Variants in CAMTA1 observed in about 807,000 individuals in gnomAD.
CAMTA1 encodes calmodulin-binding transcription activator 1.
In CAMTA1, 27 loss-of-function variants were observed where a neutral mutation model predicts 170.9. That is an observed-to-expected ratio of 0.16 (90% CI 0.12 to 0.22). The LOEUF is 0.22. CAMTA1 is among the 10% of genes least tolerant of loss of function. The probability of loss-of-function intolerance (pLI) is 1.00; values close to 1 mark genes in which losing one functional copy is unlikely to be tolerated. For synonymous variants in CAMTA1, 833 were observed against 891.5 expected, an observed-to-expected ratio of 0.93 and a Z score of 1.17; for missense variants, 1,619 against 2,217.2, an observed-to-expected ratio of 0.73 and a Z score of 5.42.
intron 5 of CAMTA1, among the ~76,000 whole-genome samples, chr1:7,379,407 A>C (rs960550680): frequency 6.6e-6 from 1 of 152,202 alleles, no homozygotes; most frequent in Non-Finnish European, 1.5e-5. Flanking sequence ...TTATATTTTT[A>C]TTACAATTTG....
chr1:7,179,072 G>A (rs747332192), intron 4 of CAMTA1, among the ~76,000 whole-genome samples: 1 of 152,304 alleles, frequency 6.6e-6, no homozygotes, highest in East Asian at 1.9e-4. Context: ...CATGACCAAG[G>A]CGAAGCATCT....
At chr1:6,830,817 T>C (rs911827633) in intron 3 of CAMTA1, among the ~76,000 whole-genome samples, 1 of 151,376 alleles carries the variant, frequency 6.6e-6, no homozygotes, top group Non-Finnish European at 1.5e-5. Flanking sequence ...TTTTGTTTGT[T>C]TGTTTTGTTT....
intron 3 of CAMTA1, among the ~76,000 whole-genome samples, chr1:6,848,212 C>G (rs545438844): frequency 1.3e-5 from 2 of 152,252 alleles, no homozygotes; most frequent in South Asian, 4.1e-4. Context: ...CCAGCTTGAT[C>G]ATAGCTCACC....
chr1:7,302,135 A>T (rs1488529694), intron 5 of CAMTA1, among the ~76,000 whole-genome samples: 1 of 149,932 alleles, frequency 6.7e-6, no homozygotes, highest in East Asian at 2.0e-4. Flanking sequence ...TCAATACAGC[A>T]AAAGCATCGA....
intron 4 of CAMTA1, among the ~76,000 whole-genome samples, chr1:7,135,473 T>A (rs1170863508): frequency 1.3e-5 from 2 of 152,178 alleles, no homozygotes; most frequent in Non-Finnish European, 2.9e-5. Context: ...ACACTGCTGG[T>A]AGGGATGCAA....
chr1:6,809,864 A>T (rs1187412690), intron 1 of CAMTA1, among the ~76,000 whole-genome samples: 2 of 152,140 alleles, frequency 1.3e-5, no homozygotes, highest in Non-Finnish European at 2.9e-5. Context: ...TAGACTGAAG[A>T]CTAAGGAAGG....
chr1:7,644,423 C>A (rs1396343452), intron 7 of CAMTA1, among the ~76,000 whole-genome samples: 2 of 152,194 alleles, frequency 1.3e-5, no homozygotes, highest in Non-Finnish European at 2.9e-5. Flanking sequence ...ATGGGTCCTG[C>A]TGCTATGAGG....
intron 3 of CAMTA1, among the ~76,000 whole-genome samples, chr1:6,872,796 C>G (rs566117721): frequency 3.9e-5 from 6 of 152,326 alleles, no homozygotes; most frequent in African/African-American, 1.4e-4. Flanking sequence ...TGTGAATTCT[C>G]TCAGCATGGC....
chr1:7,480,297 GTA>G (rs1158786574), intron 6 of CAMTA1, among the ~76,000 whole-genome samples: 53 of 149,622 alleles, frequency 3.5e-4, no homozygotes, highest in East Asian at 1.3e-3. Flanking sequence ...GTGCGTGTGT[GTA>G]TGAGTGCATT....
chr1:6,801,762 A>T (rs1643872489), intron 1 of CAMTA1, among the ~76,000 whole-genome samples: 1 of 152,042 alleles, frequency 6.6e-6, no homozygotes. Flanking sequence ...CAATATTTTC[A>T]TGACCCCAAG....
intron 6 of CAMTA1, among the ~76,000 whole-genome samples, chr1:7,495,611 G>A (rs2093813944): frequency 6.6e-6 from 1 of 152,186 alleles, no homozygotes; most frequent in South Asian, 2.1e-4. Context: ...GACTGGCAAA[G>A]CCTGTTAGCA....
At chr1:7,188,495 A>G (rs2213783) in intron 4 of CAMTA1, among the ~76,000 whole-genome samples, 105,296 of 152,014 alleles carry the variant, frequency 0.69, 36,866 homozygotes, top group East Asian at 0.84. Context: ...CCTGGTAACT[A>G]TTGTTACACT....
chr1:7,656,126 A>G (rs932941639), intron 7 of CAMTA1, among the ~76,000 whole-genome samples: 2 of 152,172 alleles, frequency 1.3e-5, no homozygotes, highest in Non-Finnish European at 2.9e-5. Context: ...AAGCCAATAC[A>G]CTTGTGTTCT....
In CAMTA1 at chr1:7,767,663, A is replaced by G. The variant is rs1447903181; in HGVS notation, c.*1172A>G. 1 of 151,956 alleles carries G rather than the reference A, an allele frequency of 6.6e-6. No homozygotes were observed. The highest frequency in any genetic ancestry group is 1.5e-5 in the Non-Finnish European group (1 of 67,518). The allele number at this position is 151,956 out of a possible 1,614,324, so 9.4% of individuals were successfully genotyped here. A position where few individuals can be genotyped will look rare whatever the true frequency, so the allele number is the denominator to read the frequency against. ...AGAAAAATGTGGATGTACTGTTTGT[A>G]TATATTGTATATATTAAAACAGAGA... On this transcript the variant is annotated 3_prime_UTR_variant, in exon 23 of 23. Coordinates refer to ENST00000303635, the MANE Select transcript of CAMTA1 (RefSeq NM_015215.4).
rs2095187687 is a variant in CAMTA1 at position 7,576,049 on chromosome 1, C to T, written c.511-64351C>T. Among the ~76,000 whole-genome samples, 3 of 152,130 alleles carry T rather than the reference C, an allele frequency of 2.0e-5. No individual in the cohort carries two copies. In the South Asian group the frequency reaches 6.2e-4, roughly 32 times the overall value. On this transcript the variant is annotated intron_variant, in intron 6 of 22. Coordinates refer to ENST00000303635, the MANE Select transcript of CAMTA1 (RefSeq NM_015215.4). ...TTTGAGACAGAGTCTTGCTCTGTCACCCAGGCTGGAGTGCAATGGTGCAAT... is the reference window on the plus strand; with the variant it reads ...TTTGAGACAGAGTCTTGCTCTGTCATCCAGGCTGGAGTGCAATGGTGCAAT...
intron 11 of CAMTA1, among the ~76,000 whole-genome samples, chr1:7,727,121 ATT>A (rs71567310): frequency 1.0e-4 from 13 of 130,306 alleles, no homozygotes; most frequent in Non-Finnish European, 9.6e-5. Flanking sequence ...CCTTGTATTA[ATT>A]TTTTTTTTTT....
At chr1:7,077,793 G>A (rs1639498350) in intron 3 of CAMTA1, among the ~76,000 whole-genome samples, 4 of 152,100 alleles carry the variant, frequency 2.6e-5, no homozygotes. Context: ...CTGGAGCGAG[G>A]CAAAATGCCC....
chr1:7,517,241 C>T (rs1012687918), intron 6 of CAMTA1, among the ~76,000 whole-genome samples: 1 of 152,216 alleles, frequency 6.6e-6, no homozygotes, highest in African/African-American at 2.4e-5. Flanking sequence ...TCATTAATAA[C>T]CAGGATCCTT....
intron 7 of CAMTA1, among the ~76,000 whole-genome samples, chr1:7,650,679 G>A (rs977373327): frequency 1.2e-4 from 18 of 149,940 alleles, no homozygotes; most frequent in South Asian, 2.2e-4. Context: ...CACGGTGGGC[G>A]CACACTCCAT....
Sources: gnomAD v4.1 joint callset for allele counts (sites outside exome capture counted in the v4.1 genomes callset) on GRCh38, gnomAD v4.1.1 for gene constraint, MANE v1.5 for transcripts, NCBI Gene and HGNC (gene_info 2026-07-23, HGNC 2026-07-21) for gene names.